Variants in ALDH7A1 observed in about 807,000 individuals in gnomAD.
The protein encoded by ALDH7A1 is aldehyde dehydrogenase 7 family member A1, also known as alpha-aminoadipic semialdehyde dehydrogenase.
In ALDH7A1, 63 loss-of-function variants were observed where a neutral mutation model predicts 79.9. The ratio of observed to expected loss-of-function variants is 0.79; its 90% CI spans 0.64 to 0.97. The LOEUF (loss-of-function observed/expected upper bound fraction) is 0.97, where lower values mean the gene tolerates loss of function less well. Ranked by LOEUF, ALDH7A1 falls within the 50% of genes least tolerant of loss-of-function variation. ALDH7A1 has a pLI of 0.00. For synonymous variants in ALDH7A1, 240 were observed against 231.2 expected, an observed-to-expected ratio of 1.04 and a Z score of -0.34; for missense variants, 627 against 665.2, an observed-to-expected ratio of 0.94 and a Z score of 0.63.
At chr5:126,555,067 A>G in intron 12 of ALDH7A1, 1 of 157,878 alleles carries the variant, frequency 6.3e-6, no homozygotes. Context: ...GAGCTCTGGG[A>G]GCAAGAGGGA....
intron 16 of ALDH7A1, 135 bp from the exon 17 acceptor site, chr5:126,546,534 C>G: frequency 1.3e-6 from 1 of 767,524 alleles, no homozygotes; most frequent in Admixed American, 2.1e-5. Context: ...CCCACAATAT[C>G]TCCCCTGCAA....
chr5:126,583,375 G>A (rs1751239531), intron 4 of ALDH7A1, among the ~76,000 whole-genome samples: 1 of 151,958 alleles, frequency 6.6e-6, no homozygotes, highest in Non-Finnish European at 1.5e-5. Context: ...CAGCTACTCG[G>A]GAGGCTGAGG....
chr5:126,585,624 C>T (rs1429704103), intron 3 of ALDH7A1, among the ~76,000 whole-genome samples: 20 of 152,298 alleles, frequency 1.3e-4, no homozygotes, highest in Non-Finnish European at 2.6e-4. Context: ...TGCAGTGGCG[C>T]GATCTCGGCT....
Position 126,583,918 on chromosome 5 carries a change from C to G in ALDH7A1, c.393+14G>C. On this transcript the variant is annotated intron_variant, in intron 4 of 17. Transcript: ENST00000409134. ...CACTCAAAGAATTGTGTATATACTA[C>G]AAAAATACTTTACCAAGCTTCCTAG... 6.2e-7 allele frequency: 1 copy of G among 1,606,384 alleles called. No individual in the cohort carries two copies. Among genetic ancestry groups the G allele is most frequent in the Non-Finnish European group, 8.5e-7 (1 of 1,173,060 alleles).
intron 5 of ALDH7A1, 182 bp downstream of exon 5, chr5:126,582,669 G>C: frequency 1.3e-6 from 1 of 743,424 alleles, no homozygotes; most frequent in Non-Finnish European, 2.1e-6. Flanking sequence ...AAACAAAAAG[G>C]TTCTTGATCT....
rs889112174 is a variant in ALDH7A1 at position 126,564,123 on chromosome 5, A to G, written c.872-2999T>C. 2.0e-5 allele frequency among the ~76,000 whole-genome samples: 3 copies of G among 152,058 alleles called. No homozygotes were observed. In the East Asian group the frequency reaches 5.8e-4, roughly 29 times the overall value. The stretch of plus-strand genomic sequence containing the variant: ...TTCTTACCTTACTCCTCCCAGCATA[A>G]AGATCTGAGAGATGTGTTTGCCTCA... On this transcript the variant is annotated intron_variant, in intron 9 of 17. Transcript: ENST00000409134.
rs367574304 is a variant in ALDH7A1, at chr5:126,559,229, G to A, written c.1008+11C>T. On this transcript the variant is annotated intron_variant, in intron 11 of 17. Coordinates refer to ENST00000409134, the MANE Select transcript of ALDH7A1 (RefSeq NM_001182.5). Reference sequence around the variant, plus strand: ...AGAGCAAGACAATCGGGCCTATGCAGATATACTCACCAGTCGCCTCGCAGT... The same window carrying A: ...AGAGCAAGACAATCGGGCCTATGCAAATATACTCACCAGTCGCCTCGCAGT... 1.2e-5 allele frequency: 20 copies of A among 1,611,364 alleles called. No homozygotes were observed. Among genetic ancestry groups the A allele is most frequent in the Non-Finnish European group, 1.7e-5 (20 of 1,177,882 alleles).
intron 16 of ALDH7A1, 51 bp downstream of exon 16, chr5:126,549,877 TG>T: frequency 6.5e-7 from 1 of 1,542,352 alleles, no homozygotes; most frequent in Non-Finnish European, 9.0e-7. Context: ...AAGCTACTAC[TG>T]GTTTTTCTTT....
chr5:126,592,265 T>G, intron 3 of ALDH7A1: 1 of 223,408 alleles, frequency 4.5e-6, no homozygotes, highest in Non-Finnish European at 8.8e-6. Flanking sequence ...GCTGACCTAT[T>G]GCTGAGATAC....
chr5:126,583,311 T>C (rs1396538199), intron 4 of ALDH7A1, among the ~76,000 whole-genome samples: 1 of 150,944 alleles, frequency 6.6e-6, no homozygotes, highest in African/African-American at 2.4e-5. Flanking sequence ...TGAAACTTTG[T>C]CTCTACTAAA....
chr5:126,546,975 G>A (rs963334664), intron 16 of ALDH7A1, among the ~76,000 whole-genome samples: 1 of 152,206 alleles, frequency 6.6e-6, no homozygotes, highest in Non-Finnish European at 1.5e-5. Flanking sequence ...CTGAATGTTT[G>A]CCCTTCTAGC....
rs534549439 is a variant in ALDH7A1, at chr5:126,593,102, T to C, written c.246+249A>G. Among the ~76,000 whole-genome samples, 184 of 152,332 alleles carry C rather than the reference T, an allele frequency of 1.2e-3. 2 individuals are homozygous for C. Among genetic ancestry groups the C allele is most frequent in the Middle Eastern group, 6.8e-3 (2 of 294 alleles). ...GCCTTAAATGGCCCCCTGCCTAATCTTTCTACGCTTCACCTTTTCTATGGT... is the reference window on the plus strand; with the variant it reads ...GCCTTAAATGGCCCCCTGCCTAATCCTTCTACGCTTCACCTTTTCTATGGT... On this transcript the variant is annotated intron_variant, in intron 2 of 17. Coordinates refer to ENST00000409134, the MANE Select transcript of ALDH7A1 (RefSeq NM_001182.5).
Position 126,542,320 on chromosome 5 carries a change from A to G in ALDH7A1, c.*2645T>C, listed in dbSNP as rs939617301. 2 of 152,226 alleles carry G rather than the reference A, an allele frequency of 1.3e-5. No individual in the cohort carries two copies. Among genetic ancestry groups the G allele is most frequent in the African/African-American group, 4.8e-5 (2 of 41,442 alleles). The allele number at this position is 152,226 out of a possible 1,614,324, so 9.4% of individuals were successfully genotyped here. On this transcript the variant is annotated 3_prime_UTR_variant, in exon 18 of 18. Coordinates refer to ENST00000409134, the MANE Select transcript of ALDH7A1 (RefSeq NM_001182.5). ...CCAGGGAAGAGAAGAGGAAGGACACAGAGCCCTCTTGGTCCCTTCAGCATT... is the reference window on the plus strand; with the variant it reads ...CCAGGGAAGAGAAGAGGAAGGACACGGAGCCCTCTTGGTCCCTTCAGCATT...
Position 126,550,243 on chromosome 5 carries a change from T to G in ALDH7A1, c.1368A>C (p.Ser456=). 1 of 1,613,630 alleles carries G rather than the reference T, an allele frequency of 6.2e-7. No individual in the cohort carries two copies. The highest frequency in any genetic ancestry group is 8.5e-7 in the Non-Finnish European group (1 of 1,179,954). ...AWNNEVKQGL[S]SSIFTKDLGR... ...CCAGATCTTTGGTAAAGATGCTACT[T>G]GAAAGTCCCTGTTTTACTTCATTAT... The change falls in exon 15 of 18, where the codon TCA becomes TCC. Residue 456 remains serine, a synonymous_variant. Transcript: ENST00000409134.
At chr5:126,576,771 C>CA (rs1750985143) in intron 6 of ALDH7A1, among the ~76,000 whole-genome samples, 1 of 151,898 alleles carries the variant, frequency 6.6e-6, no homozygotes, top group African/African-American at 2.4e-5. Context: ...ACTAAAAATA[C>CA]AAAAAATGAG....
rs1284015601 is a variant in ALDH7A1 at position 126,593,360 on chromosome 5, T to A, written c.237A>T (p.Arg79Ser). The change falls in exon 2 of 18, where the codon AGA (arginine) becomes AGT (serine). Residue 79 changes from arginine (R) to serine (S), a missense_variant. Coordinates refer to ENST00000409134, the MANE Select transcript of ALDH7A1 (RefSeq NM_001182.5). ...YCPANNEPIA[R>S]VRQASVADYE... ...ACACACACACTCTTACCTGTCGGAC[T>A]CTTGCTATTGGCTCGTTGTTAGCAG... 1.2e-6 allele frequency: 2 copies of A among 1,611,402 alleles called. No homozygotes were observed. Among genetic ancestry groups the A allele is most frequent in the South Asian group, 2.2e-5 (2 of 90,952 alleles).
At chr5:126,568,873 CAA>C in intron 8 of ALDH7A1, 2 of 165,448 alleles carry the variant, frequency 1.2e-5, no homozygotes, top group Non-Finnish European at 2.7e-5. Context: ...GAGCTGAGGT[CAA>C]GCCACTGCAC....
At position 126,542,690 on chromosome 5, in the gene ALDH7A1, AAG is replaced by A; in HGVS notation, c.*2273_*2274del. Reference sequence around the variant, plus strand: ...AAGAAGTGTTCTGTGGTTGCAGAGCAAGAGAGAGAGGAGGCTTAACAGATTCC... The same window carrying A: ...AAGAAGTGTTCTGTGGTTGCAGAGCAAGAGAGAGGAGGCTTAACAGATTCC... On this transcript the variant is annotated 3_prime_UTR_variant, in exon 18 of 18. Coordinates refer to ENST00000409134, the MANE Select transcript of ALDH7A1 (RefSeq NM_001182.5). The A allele has an allele frequency of 6.6e-6, 1 of 152,364 alleles. No individual in the cohort carries two copies. Among genetic ancestry groups the A allele is most frequent in the East Asian group, 1.9e-4 (1 of 5,190 alleles). The allele number at this position is 152,364 out of a possible 1,614,324, so 9.4% of individuals were successfully genotyped here.
intron 12 of ALDH7A1, 51 bp from the exon 13 acceptor site, chr5:126,554,444 G>A (rs763762428): frequency 6.9e-6 from 10 of 1,439,296 alleles, no homozygotes; most frequent in Admixed American, 1.7e-5. Flanking sequence ...TTATGGCATC[G>A]TTTTATTATT....
Sources: gnomAD v4.1 joint callset for allele counts (sites outside exome capture counted in the v4.1 genomes callset) on GRCh38, gnomAD v4.1.1 for gene constraint, MANE v1.5 for transcripts, NCBI Gene and HGNC (gene_info 2026-07-23, HGNC 2026-07-21) for gene names.